Variants in SNX24 observed in about 807,000 individuals in gnomAD.
SNX24 encodes the protein sorting nexin 24.
Under a neutral mutation model 28.7 loss-of-function variants are expected in SNX24, and 22 were observed. The ratio of observed to expected loss-of-function variants is 0.77; its 90% CI spans 0.55 to 1.10. The LOEUF is 1.10. Ranked by LOEUF, SNX24 falls within the 50% of genes least tolerant of loss-of-function variation. SNX24 has a pLI of 0.00. For missense variants in SNX24, 221 were observed against 201.1 expected, an observed-to-expected ratio of 1.10 and a Z score of -0.60; for synonymous variants, 69 against 71.5, an observed-to-expected ratio of 0.96 and a Z score of 0.18.
chr5:122,893,973 G>A (rs757095622), intron 1 of SNX24, among the ~76,000 whole-genome samples: 3 of 151,806 alleles, frequency 2.0e-5, no homozygotes, highest in Non-Finnish European at 2.9e-5. Context: ...GCTTGAACCC[G>A]GTTGCTGTGA....
intron 2 of SNX24, 94 bp downstream of exon 2, chr5:122,936,911 T>G (rs774537933): frequency 2.9e-5 from 19 of 649,170 alleles, no homozygotes; most frequent in Non-Finnish European, 4.7e-5. Context: ...ACCATTGATA[T>G]TTCTTGTGTA....
chr5:122,930,234 CT>C (rs1758891260), intron 1 of SNX24, among the ~76,000 whole-genome samples: 5 of 152,152 alleles, frequency 3.3e-5, no homozygotes, highest in Admixed American at 3.3e-4. Context: ...GACTAGCAGC[CT>C]TTTGCTTTTG....
intron 1 of SNX24, among the ~76,000 whole-genome samples, chr5:122,851,402 A>G (rs1754912696): frequency 6.6e-6 from 1 of 152,138 alleles, no homozygotes; most frequent in Non-Finnish European, 1.5e-5. Flanking sequence ...CCTGACCTCA[A>G]GTGATCCACA....
chr5:122,940,147 C>A (rs574383319), intron 2 of SNX24, among the ~76,000 whole-genome samples: 2 of 152,070 alleles, frequency 1.3e-5, no homozygotes, highest in Non-Finnish European at 2.9e-5. Flanking sequence ...GCACCTGCCA[C>A]CATGCCTGGC....
intron 5 of SNX24, among the ~76,000 whole-genome samples, chr5:123,019,730 C>T (rs1456724763): frequency 6.6e-6 from 1 of 152,190 alleles, no homozygotes; most frequent in African/African-American, 2.4e-5. Context: ...AAATTTCCCT[C>T]TGATTCCACA....
intron 3 of SNX24, among the ~76,000 whole-genome samples, chr5:122,965,693 GTGT>G (rs1581806920): frequency 6.6e-6 from 1 of 152,180 alleles, no homozygotes; most frequent in Non-Finnish European, 1.5e-5. Flanking sequence ...GTGCTAGCTA[GTGT>G]TGTCATTTGT....
chr5:122,932,513 T>A (rs1177893618), intron 1 of SNX24, among the ~76,000 whole-genome samples: 5 of 152,170 alleles, frequency 3.3e-5, no homozygotes, highest in Admixed American at 6.5e-5. Context: ...TATGTAATTT[T>A]ATGTGAGATA....
chr5:123,025,756 T>G (rs1013749991), intron 5 of SNX24: 2 of 1,601,132 alleles, frequency 1.2e-6, no homozygotes, highest in Non-Finnish European at 1.7e-6. Context: ...ATATAAAGCT[T>G]TGAAAGGAAA....
chr5:122,965,452 G>T, intron 3 of SNX24: 1 of 455,126 alleles, frequency 2.2e-6, no homozygotes, highest in East Asian at 7.0e-5. Context: ...GAGAAATGTG[G>T]GTGCTTAATC....
downstream of SNX24, among the ~76,000 whole-genome samples, chr5:123,011,505 G>C (rs1254126350): frequency 1.4e-5 from 2 of 145,020 alleles, no homozygotes; most frequent in African/African-American, 5.8e-5. Flanking sequence ...AAAAGAAGTT[G>C]AGCTCTCTTA....
chr5:122,881,103 A>G (rs1756460244), intron 1 of SNX24, among the ~76,000 whole-genome samples: 1 of 152,222 alleles, frequency 6.6e-6, no homozygotes. Flanking sequence ...TGGTTTGGAC[A>G]TGGGACACAG....
chr5:122,855,933 CACA>C lies in SNX24; in HGVS notation c.60+10244_60+10246del, dbSNP rs1331102130. Among the ~76,000 whole-genome samples, 7 of 152,180 alleles carry C rather than the reference CACA, an allele frequency of 4.6e-5. No individual in the cohort carries two copies. The East Asian group carries it at 1.3e-3, about 29-fold the overall frequency. On this transcript the variant is annotated intron_variant, in intron 1 of 6. Coordinates refer to ENST00000261369, the MANE Select transcript of SNX24 (RefSeq NM_014035.4). ...GCTGGTCTGTGGAACAGCCCAAACA[CACA>C]ACATTTGTCAGTTAAATTTGCCATC...
chr5:122,994,061 T>A (rs1761964533), intron 3 of SNX24, among the ~76,000 whole-genome samples: 1 of 152,158 alleles, frequency 6.6e-6, no homozygotes, highest in South Asian at 2.1e-4. Context: ...TGTATGTGTG[T>A]GTGTGTATGT....
chr5:122,958,864 T>C (rs1419274194), intron 3 of SNX24, among the ~76,000 whole-genome samples: 1 of 152,120 alleles, frequency 6.6e-6, no homozygotes, highest in African/African-American at 2.4e-5. Flanking sequence ...CTGGCCAATA[T>C]AGTCTTTTTA....
intron 1 of SNX24, among the ~76,000 whole-genome samples, chr5:122,914,985 G>A (rs527423406): frequency 3.0e-4 from 46 of 152,240 alleles, no homozygotes; most frequent in African/African-American, 1.1e-3. Flanking sequence ...GTGGGAGGAA[G>A]TGCTACTAAC....
chr5:122,883,917 A>T (rs1442466587), intron 1 of SNX24, among the ~76,000 whole-genome samples: 1 of 152,198 alleles, frequency 6.6e-6, no homozygotes, highest in Non-Finnish European at 1.5e-5. Context: ...AGTCTCTCAA[A>T]GTGTTGGGAT....
chr5:123,029,095 A>G (rs773221233), intron 5 of SNX24: 4 of 958,282 alleles, frequency 4.2e-6, no homozygotes, highest in Non-Finnish European at 6.0e-6. Flanking sequence ...AGAGCAAACC[A>G]TATTTTCACT....
At chr5:123,029,081 A>G in intron 5 of SNX24, 1 of 919,872 alleles carries the variant, frequency 1.1e-6, no homozygotes, top group Non-Finnish European at 1.6e-6. Context: ...GAATAAGTTA[A>G]AAGAGAGCAA....
Position 122,897,556 on chromosome 5 carries a change from G to A in SNX24, c.61-39178G>A, listed in dbSNP as rs565644008. On this transcript the variant is annotated intron_variant, in intron 1 of 6. Transcript: ENST00000261369. ...ACTATGCTGCCAGAAATCTTTTTCA[G>A]GGGATGGAGTGGGGATTTTATCACT... Among the ~76,000 whole-genome samples the A allele has an allele frequency of 2.0e-5, 3 of 152,278 alleles. No homozygotes were observed. In the South Asian group the frequency reaches 6.2e-4, roughly 32 times the overall value.
Sources: gnomAD v4.1 joint callset for allele counts (sites outside exome capture counted in the v4.1 genomes callset) on GRCh38, gnomAD v4.1.1 for gene constraint, MANE v1.5 for transcripts, NCBI Gene and HGNC (gene_info 2026-07-23, HGNC 2026-07-21) for gene names.